LANCL2: variants seen among roughly 807,000 people sequenced by gnomAD.
LANCL2 encodes lanC-like protein 2.
A neutral mutation model predicts 56.9 loss-of-function variants in LANCL2; 33 were observed. That is an observed-to-expected ratio of 0.58 (90% CI 0.44 to 0.78). The LOEUF is 0.78. Ranked by LOEUF, LANCL2 falls within the 30% of genes least tolerant of loss-of-function variation. The pLI, the probability that LANCL2 is intolerant of heterozygous loss-of-function variation, is 0.00. For synonymous variants in LANCL2, 233 were observed against 228.2 expected (o/e 1.02, Z -0.19); for missense variants, 562 against 580.2 (o/e 0.97, Z 0.32).
At chr7:55,386,031 G>C (rs539598680) in intron 1 of LANCL2, among the ~76,000 whole-genome samples, 1 of 152,148 alleles carries the variant, frequency 6.6e-6, no homozygotes, top group African/African-American at 2.4e-5. Context: ...GCTCACTGGC[G>C]GTCAGAGTTT....
intron 2 of LANCL2, 133 bp from the exon 3 acceptor site, chr7:55,398,290 A>G (rs953177844): frequency 1.5e-6 from 1 of 648,506 alleles, no homozygotes; most frequent in Non-Finnish European, 2.7e-6. Flanking sequence ...TATGAAATGT[A>G]TTGTTTTGGT....
intron 1 of LANCL2, among the ~76,000 whole-genome samples, chr7:55,386,617 C>T (rs902298422): frequency 2.6e-5 from 4 of 152,152 alleles, no homozygotes; most frequent in African/African-American, 7.2e-5. Flanking sequence ...TGAAGAAAGA[C>T]GGACTTTAGC....
intron 1 of LANCL2, among the ~76,000 whole-genome samples, chr7:55,375,394 T>G (rs1213245569): frequency 2.6e-5 from 4 of 152,210 alleles, no homozygotes; most frequent in Non-Finnish European, 5.9e-5. Context: ...TTCTCCTAAA[T>G]GCATTTTAAA....
intron 6 of LANCL2, among the ~76,000 whole-genome samples, chr7:55,424,976 A>G (rs1169023868): frequency 6.6e-6 from 1 of 152,080 alleles, no homozygotes; most frequent in Non-Finnish European, 1.5e-5. Context: ...TCATCCCGAA[A>G]CCATCCCCCA....
chr7:55,394,092 G>A (rs1232349812), intron 2 of LANCL2: 2 of 152,188 alleles, frequency 1.3e-5, no homozygotes, highest in Non-Finnish European at 2.9e-5. Flanking sequence ...GCCCAGAAGA[G>A]TTACATTAGG....
chr7:55,407,952 C>G (rs758872523), intron 5 of LANCL2, among the ~76,000 whole-genome samples: 9 of 152,232 alleles, frequency 5.9e-5, no homozygotes, highest in Non-Finnish European at 1.3e-4. Flanking sequence ...TATGCGTGAG[C>G]ACAGACCAGT....
intron 1 of LANCL2, among the ~76,000 whole-genome samples, chr7:55,385,808 A>G (rs1790118939): frequency 6.6e-6 from 1 of 152,196 alleles, no homozygotes; most frequent in African/African-American, 2.4e-5. Flanking sequence ...TCCTCTTCCT[A>G]ATAAGCCTGG....
chr7:55,366,283 G>A (rs1253671641), intron 1 of LANCL2, 54 bp downstream of exon 1: 34 of 1,387,004 alleles, frequency 2.5e-5, no homozygotes, highest in Non-Finnish European at 3.2e-5. Flanking sequence ...GGCGGTGGTA[G>A]CGTCCACCTT....
intron 2 of LANCL2, among the ~76,000 whole-genome samples, chr7:55,392,569 A>T (rs1275979978): frequency 2.7e-5 from 4 of 146,158 alleles, no homozygotes; most frequent in African/African-American, 9.9e-5. Context: ...GGTTGGTCTC[A>T]AATTCCTGGG....
chr7:55,370,001 C>CT (rs1789925440), intron 1 of LANCL2, among the ~76,000 whole-genome samples: 1 of 152,194 alleles, frequency 6.6e-6, no homozygotes, highest in African/African-American at 2.4e-5. Context: ...CATGCAGTGT[C>CT]TGAGAGTCAG....
intron 1 of LANCL2, among the ~76,000 whole-genome samples, chr7:55,367,706 CAGAG>C (rs1452198390): frequency 5.3e-5 from 8 of 152,200 alleles, no homozygotes; most frequent in African/African-American, 1.7e-4. Flanking sequence ...GCCTGGGCGA[CAGAG>C]CTAGACGCAG....
chr7:55,422,834 G>A (rs1790622822), intron 6 of LANCL2, among the ~76,000 whole-genome samples: 1 of 152,110 alleles, frequency 6.6e-6, no homozygotes, highest in South Asian at 2.1e-4. Context: ...TTTCATCTTT[G>A]AAGATATTTC....
chr7:55,366,204 G>T lies in LANCL2; in HGVS notation c.179G>T (p.Gly60Val). 6.5e-7 allele frequency: 1 copy of T among 1,541,428 alleles called. No homozygotes were observed. The highest frequency in any genetic ancestry group is 8.8e-7 in the Non-Finnish European group (1 of 1,140,418). The part of the protein sequence containing the change: ...VRPPATTDEP[G>V]LPFHQDGKII... The stretch of plus-strand genomic sequence containing the variant: ...CCCCCGGCGACCACGGATGAGCCCG[G>T]CCTCCCTTTTCATCAGGACGGGAAG... The change falls in exon 1 of 9, where the codon GGC becomes GTC. Residue 60 changes from glycine to valine, a missense_variant. Gly to Val is a moderately radical substitution (Grantham distance 109, BLOSUM62 -3). Coordinates refer to ENST00000254770, the MANE Select transcript of LANCL2 (RefSeq NM_018697.4).
At chr7:55,413,688 C>T (rs1790495577) in intron 6 of LANCL2, among the ~76,000 whole-genome samples, 1 of 152,244 alleles carries the variant, frequency 6.6e-6, no homozygotes, top group Non-Finnish European at 1.5e-5. Flanking sequence ...CCTGGCAGGG[C>T]TTCTGCATAG....
At chr7:55,372,987 T>C (rs962399099) in intron 1 of LANCL2, among the ~76,000 whole-genome samples, 22 of 152,268 alleles carry the variant, frequency 1.4e-4, no homozygotes, top group African/African-American at 4.6e-4. Flanking sequence ...ACCAAACCAC[T>C]TGGAAATATG....
chr7:55,414,792 C>A (rs926424559), intron 6 of LANCL2, among the ~76,000 whole-genome samples: 2 of 151,640 alleles, frequency 1.3e-5, no homozygotes, highest in Non-Finnish European at 2.9e-5. Context: ...TCAGCCTGGG[C>A]AACATGGCAA....
chr7:55,386,002 T>C (rs1790121215), intron 1 of LANCL2, among the ~76,000 whole-genome samples: 1 of 152,174 alleles, frequency 6.6e-6, no homozygotes, highest in Non-Finnish European at 1.5e-5. Flanking sequence ...AGAAGAGAAA[T>C]GTGGCTCTGT....
intron 2 of LANCL2, among the ~76,000 whole-genome samples, chr7:55,396,009 A>G (rs1290865513): frequency 2.6e-5 from 4 of 152,252 alleles, no homozygotes; most frequent in Non-Finnish European, 5.9e-5. Context: ...TACTGTAGCA[A>G]TTGTAACACA....
At chr7:55,402,808 G>T (rs1170544762) in intron 5 of LANCL2, among the ~76,000 whole-genome samples, 2 of 132,428 alleles carry the variant, frequency 1.5e-5, no homozygotes, top group African/African-American at 2.9e-5. Flanking sequence ...CAGACGGGGC[G>T]GCCGGGCAGA....
Sources: allele counts gnomAD v4.1 joint callset (sites outside exome capture counted in the v4.1 genomes callset), GRCh38; gene constraint gnomAD v4.1.1; transcripts MANE v1.5; gene names NCBI Gene and HGNC (gene_info 2026-07-23, HGNC 2026-07-21).